VWA3B: variants seen among roughly 807,000 people sequenced by gnomAD.
The protein encoded by VWA3B is von Willebrand factor A domain containing 3B, also known as von Willebrand factor A domain-containing protein 3B.
Under a neutral mutation model 158.3 loss-of-function variants are expected in VWA3B, and 138 were observed. The observed-to-expected ratio is 0.87, with a 90% CI of 0.76 to 1.00. The LOEUF (loss-of-function observed/expected upper bound fraction) is 1.00, where lower values mean the gene tolerates loss of function less well. Among genes scored for constraint, VWA3B ranks in the 50% least tolerant of loss-of-function variants. The probability of loss-of-function intolerance (pLI) is 0.00; values close to 1 mark genes in which losing one functional copy is unlikely to be tolerated. For missense variants in VWA3B, 1,555 were observed against 1,565.1 expected, an observed-to-expected ratio of 0.99 and a Z score of 0.11; for synonymous variants, 596 against 587.3, an observed-to-expected ratio of 1.01 and a Z score of -0.21.
intron 7 of VWA3B, among the ~76,000 whole-genome samples, chr2:98,143,074 C>T (rs993698005): frequency 6.6e-6 from 1 of 152,182 alleles, no homozygotes; most frequent in Non-Finnish European, 1.5e-5. Flanking sequence ...GGGAGTCTCT[C>T]TGTCACCCAG....
intron 2 of VWA3B, among the ~76,000 whole-genome samples, chr2:98,106,061 G>A (rs1419392323): frequency 5.9e-5 from 9 of 151,850 alleles, no homozygotes; most frequent in South Asian, 2.1e-4. Context: ...GAATACAGGC[G>A]ACCACCACCA....
chr2:98,193,645 G>C (rs1219823107), intron 11 of VWA3B, among the ~76,000 whole-genome samples: 1 of 151,370 alleles, frequency 6.6e-6, no homozygotes, highest in African/African-American at 2.4e-5. Flanking sequence ...GTCCAGTCTG[G>C]AGTGCAGTGG....
intron 20 of VWA3B, among the ~76,000 whole-genome samples, chr2:98,252,058 C>T (rs1686832911): frequency 6.6e-6 from 1 of 152,148 alleles, no homozygotes; most frequent in Non-Finnish European, 1.5e-5. Flanking sequence ...TGCTGCTGTC[C>T]CCAGCTGGGT....
At position 98,300,116 on chromosome 2, in the gene VWA3B, A is replaced by C; in HGVS notation, c.3320A>C (p.Lys1107Thr). Residue 1107 changes from lysine (K) to threonine (T), a missense_variant, in exon 25 of 28, where the codon AAA (lysine) becomes ACA (threonine). Physicochemically the swap from Lys to Thr is moderately conservative, Grantham distance 78. Coordinates refer to ENST00000477737, the MANE Select transcript of VWA3B (RefSeq NM_144992.5). ...GTGTTTGCCAAAATTGTGATACCCAAAGGATTTGACTTCTATGTCCCTGCC... is the reference window on the plus strand; with the variant it reads ...GTGTTTGCCAAAATTGTGATACCCACAGGATTTGACTTCTATGTCCCTGCC... Reference protein sequence around the residue: ...DYVFAKIVIPKGFDFYVPAIV... With the variant: ...DYVFAKIVIPTGFDFYVPAIV... 1 of 1,614,230 alleles carries C rather than the reference A, an allele frequency of 6.2e-7. No individual in the cohort carries two copies. Among genetic ancestry groups the C allele is most frequent in the Non-Finnish European group, 8.5e-7 (1 of 1,180,052 alleles).
intron 8 of VWA3B, among the ~76,000 whole-genome samples, 161 bp downstream of exon 8, chr2:98,163,137 G>A (rs1321375263): frequency 1.3e-5 from 2 of 152,190 alleles, no homozygotes; most frequent in African/African-American, 2.4e-5. Context: ...GGGTGGGGAG[G>A]GGGCTGAACA....
At chr2:98,302,671 C>T (rs552170993) in intron 25 of VWA3B, among the ~76,000 whole-genome samples, 26 of 152,256 alleles carry the variant, frequency 1.7e-4, no homozygotes, top group African/African-American at 6.0e-4. Context: ...GGAATTGAAG[C>T]AAGAGGTTAA....
intron 6 of VWA3B, among the ~76,000 whole-genome samples, chr2:98,131,355 G>A (rs1300862054): frequency 6.6e-6 from 1 of 152,128 alleles, no homozygotes; most frequent in Non-Finnish European, 1.5e-5. Context: ...ACCCATTGAT[G>A]GACACTTAGG....
intron 25 of VWA3B, 145 bp from the exon 26 acceptor site, chr2:98,303,557 C>T (rs1445674398): frequency 2.9e-6 from 2 of 692,856 alleles, no homozygotes; most frequent in African/African-American, 1.8e-5. Context: ...AAGTGAGGGT[C>T]TGAATTTGAA....
At chr2:98,165,286 C>T (rs1455799885) in intron 8 of VWA3B, among the ~76,000 whole-genome samples, 1 of 152,232 alleles carries the variant, frequency 6.6e-6, no homozygotes, top group East Asian at 1.9e-4. Context: ...GTTTTGGCTT[C>T]AGTAACTTGC....
At position 98,236,747 on chromosome 2, in the gene VWA3B, T is replaced by C; in HGVS notation, c.2673+17T>C. On this transcript the variant is annotated intron_variant, in intron 19 of 27. Coordinates refer to ENST00000477737, the MANE Select transcript of VWA3B (RefSeq NM_144992.5). The stretch of plus-strand genomic sequence containing the variant: ...TTTGATGAGGTAAACTGATTGTCTA[T>C]ACGTCCCTACTTGAGGCCATTTTCA... 1 of 1,594,460 alleles carries C rather than the reference T, an allele frequency of 6.3e-7. No homozygotes were observed. The highest frequency in any genetic ancestry group is 1.1e-5 in the South Asian group (1 of 87,654).
At chr2:98,088,996 C>A (rs912358319) in intron 1 of VWA3B, among the ~76,000 whole-genome samples, 2 of 152,032 alleles carry the variant, frequency 1.3e-5, no homozygotes, top group Non-Finnish European at 2.9e-5. Flanking sequence ...TCAGGTGATC[C>A]GCCCGCCTTG....
chr2:98,087,692 G>C (rs927280089), intron 1 of VWA3B, among the ~76,000 whole-genome samples: 3 of 152,190 alleles, frequency 2.0e-5, no homozygotes, highest in Admixed American at 2.0e-4. Flanking sequence ...AGTTCAAGGT[G>C]ATGAAGTCCA....
chr2:98,116,651 C>T (rs1040648433), intron 3 of VWA3B, among the ~76,000 whole-genome samples: 1 of 152,300 alleles, frequency 6.6e-6, no homozygotes, highest in Non-Finnish European at 1.5e-5. Context: ...GGACCACAGG[C>T]GTGTGCCATC....
chr2:98,204,737 G>A (rs887753516), intron 12 of VWA3B, among the ~76,000 whole-genome samples: 1 of 152,176 alleles, frequency 6.6e-6, no homozygotes, highest in African/African-American at 2.4e-5. Context: ...GAGTGAGTTG[G>A]GAAGTATTCC....
chr2:98,152,441 A>G (rs2105176669), intron 7 of VWA3B, among the ~76,000 whole-genome samples: 2 of 152,270 alleles, frequency 1.3e-5, no homozygotes, highest in South Asian at 4.1e-4. Context: ...GACAGTCCCA[A>G]TCTTCTGAGC....
At chr2:98,233,481 G>A (rs577280951) in intron 16 of VWA3B, among the ~76,000 whole-genome samples, 32 of 152,316 alleles carry the variant, frequency 2.1e-4, no homozygotes, top group African/African-American at 7.2e-4. Context: ...AAGGTGGGCT[G>A]CCAGTGTGGA....
Position 98,311,831 on chromosome 2 carries a change from GGCGAGGAACTCT to G in VWA3B, c.3537_3548del (p.Arg1180_Ala1183del). 1 of 1,606,704 alleles carries G rather than the reference GGCGAGGAACTCT, an allele frequency of 6.2e-7. No individual in the cohort carries two copies. Among genetic ancestry groups the G allele is most frequent in the East Asian group, 2.2e-5 (1 of 44,780 alleles). The stretch of plus-strand genomic sequence containing the variant: ...TCTCTGTCTCTAGAGAGGATGTGGA[GGCGAGGAACTCT>G]GCTTTCCTCTTCTGGCCACTGAAAG... On this transcript the variant is annotated inframe_deletion, in exon 27 of 28. Transcript: ENST00000477737.
chr2:98,280,636 C>T (rs1044689616), intron 22 of VWA3B, among the ~76,000 whole-genome samples: 2 of 152,296 alleles, frequency 1.3e-5, no homozygotes, highest in Non-Finnish European at 2.9e-5. Context: ...CAGGAAGCAG[C>T]GCCTGGAGAG....
At chr2:98,319,422 G>A in the VWA3B span, among the ~76,000 whole-genome samples, 1 of 152,166 alleles carries the variant, frequency 6.6e-6, no homozygotes, top group Non-Finnish European at 1.5e-5. Context: ...AAGGGCTGGA[G>A]TCTGTAAAAT....
Sources: gnomAD v4.1 joint callset for allele counts (sites outside exome capture counted in the v4.1 genomes callset) on GRCh38, gnomAD v4.1.1 for gene constraint, MANE v1.5 for transcripts, NCBI Gene and HGNC (gene_info 2026-07-23, HGNC 2026-07-21) for gene names.